Variants in LRRC3C observed in about 807,000 individuals in gnomAD.
LRRC3C encodes the protein leucine rich repeat containing 3C.
A neutral mutation model predicts 14.8 loss-of-function variants in LRRC3C; 11 were observed. The observed-to-expected ratio is 0.74, with a 90% CI of 0.47 to 1.23. LRRC3C has a LOEUF of 1.23. LRRC3C is among the 50% of genes most tolerant of loss of function. The probability of loss-of-function intolerance (pLI) is 0.00; values close to 1 mark genes in which losing one functional copy is unlikely to be tolerated. For synonymous variants in LRRC3C, 149 were observed against 161.5 expected, an observed-to-expected ratio of 0.92 and a Z score of 0.59; for missense variants, 354 against 361.8, an observed-to-expected ratio of 0.98 and a Z score of 0.18.
At chr17:39,936,351 G>A (rs1031789671) in intron 2 of LRRC3C, among the ~76,000 whole-genome samples, 5 of 152,190 alleles carry the variant, frequency 3.3e-5, no homozygotes, top group East Asian at 1.9e-4. Context: ...AAGACAGAGC[G>A]TGAGACTCCC....
At chr17:39,936,250 G>C (rs549726817) in intron 2 of LRRC3C, among the ~76,000 whole-genome samples, 1 of 152,170 alleles carries the variant, frequency 6.6e-6, no homozygotes, top group Admixed American at 6.5e-5. Context: ...AGACTGTGAG[G>C]GTCCAGAAAA....
chr17:39,936,923 A>G (rs1297779433), intron 2 of LRRC3C, among the ~76,000 whole-genome samples: 5 of 151,378 alleles, frequency 3.3e-5, no homozygotes, highest in African/African-American at 1.2e-4. Context: ...GGAGTTCAAG[A>G]CTAGCCTGGA....
intron 2 of LRRC3C, among the ~76,000 whole-genome samples, chr17:39,940,125 G>A (rs1019093031): frequency 6.6e-6 from 1 of 152,228 alleles, no homozygotes; most frequent in Non-Finnish European, 1.5e-5. Flanking sequence ...CTGCCTAAGT[G>A]TAGAAAGTTA....
intron 2 of LRRC3C, among the ~76,000 whole-genome samples, chr17:39,937,488 A>C (rs1978831073): frequency 6.6e-6 from 1 of 151,510 alleles, no homozygotes; most frequent in Non-Finnish European, 1.5e-5. Context: ...TTTTTAATCC[A>C]TAAGCCACGG....
At chr17:39,941,257 A>G (rs1978930312) in intron 2 of LRRC3C, among the ~76,000 whole-genome samples, 186 bp from the exon 3 acceptor site, 1 of 151,210 alleles carries the variant, frequency 6.6e-6, no homozygotes, top group South Asian at 2.1e-4. Flanking sequence ...AGACTAAGGC[A>G]GGAGAGTCGT....
At position 39,944,678 on chromosome 17, in the gene LRRC3C, G is replaced by T; in HGVS notation, c.772G>T (p.Ala258Ser). 2 of 1,535,984 alleles carry T rather than the reference G, an allele frequency of 1.3e-6. No individual in the cohort carries two copies. The highest frequency in any genetic ancestry group is 1.2e-5 in the South Asian group (1 of 84,046). The change falls in exon 4 of 4, where the codon GCC (alanine) becomes TCC (serine). Residue 258 changes from alanine (A) to serine (S), a missense_variant. Transcript: ENST00000377924. ...TGAGACCAGGCGCTCCCTCAAGCGG[G>T]CCCCAGTGCTGCCCGTGCGTTCCGA... is the stretch of plus-strand genomic sequence containing the variant. ...RDETRRSLKR[A>S]PVLPVRSEDS...
Position 39,944,019 on chromosome 17 carries a change from C to T in LRRC3C, c.113C>T (p.Thr38Ile). 6.5e-7 allele frequency: 1 copy of T among 1,536,116 alleles called. No individual in the cohort carries two copies. Among genetic ancestry groups the T allele is most frequent in the South Asian group, 1.2e-5 (1 of 84,064 alleles). The change falls in exon 4 of 4, where the codon ACA (threonine) becomes ATA (isoleucine). Residue 38 changes from threonine (T) to isoleucine (I), a missense_variant. Transcript: ENST00000377924. The part of the protein sequence containing the change: ...HLLPLLLVIG[T>I]GGTVPSPQVP... ...CTGCCCCTCCTGCTGGTGATAGGCA[C>T]AGGGGGTACTGTGCCCAGCCCCCAG... is the stretch of plus-strand genomic sequence containing the variant.
In LRRC3C at chr17:39,944,136, T is replaced by C. The variant is rs991963763; in HGVS notation, c.230T>C (p.Ile77Thr). The change falls in exon 4 of 4, where the codon ATC becomes ACC. Residue 77 changes from isoleucine to threonine, a missense_variant. Coordinates refer to ENST00000377924, the MANE Select transcript of LRRC3C (RefSeq NM_001195545.2). ...GGCCTCAGTGCTGTGCCCTCCGGCA[T>C]CCCCAATGACACCCGCAAGCTCTAC... ...QAGLSAVPSG[I>T]PNDTRKLYLD... The C allele has an allele frequency of 4.6e-6, 7 of 1,536,042 alleles. No homozygotes were observed. In the African/African-American group the frequency reaches 5.5e-5, roughly 12 times the overall value.
chr17:39,935,968 TC>T, intron 2 of LRRC3C, 74 bp downstream of exon 2: 2 of 866,242 alleles, frequency 2.3e-6, no homozygotes, highest in Non-Finnish European at 2.8e-6. Flanking sequence ...CTTTCAGTTA[TC>T]CCCCCATCCA....
chr17:39,932,248 T>C (rs1292156623), intron 1 of LRRC3C, among the ~76,000 whole-genome samples: 2 of 152,214 alleles, frequency 1.3e-5, no homozygotes, highest in African/African-American at 4.8e-5. Flanking sequence ...CCTCCTCATG[T>C]TGTGGATATT....
rs541576376 is a variant in LRRC3C at position 39,932,923 on chromosome 17, G to A, written c.-174-2879G>A. On this transcript the variant is annotated intron_variant, in intron 1 of 3. Transcript: ENST00000377924. ...AAAAATTAGCCAGGCATGGTGGCGCGCCCCTGTAATCCCAGTTACTAGGAA... is the reference window on the plus strand; with the variant it reads ...AAAAATTAGCCAGGCATGGTGGCGCACCCCTGTAATCCCAGTTACTAGGAA... Among the ~76,000 whole-genome samples, 5 of 151,998 alleles carry A rather than the reference G, an allele frequency of 3.3e-5. No homozygotes were observed. In the South Asian group the frequency reaches 1.0e-3, roughly 32 times the overall value.
In LRRC3C at chr17:39,944,887, TTC is replaced by T. The variant is rs149734401; in HGVS notation, c.*169_*170del. ...TATTCCCCCTAAATACCTGTGCTGG[TTC>T]TCTCTCTCTCTCTCTGTGTCGTCTT... On this transcript the variant is annotated 3_prime_UTR_variant, in exon 4 of 4. Coordinates refer to ENST00000377924, the MANE Select transcript of LRRC3C (RefSeq NM_001195545.2). 16,760 of 550,986 alleles carry T rather than the reference TTC, an allele frequency of 0.03. No individual in the cohort carries two copies. The highest frequency in any genetic ancestry group is 0.052 in the South Asian group (2,008 of 38,514). 34.1% of individuals were successfully genotyped at this position (550,986 alleles called of 1,614,324 possible).
rs565597317 is a variant in LRRC3C, at chr17:39,942,379, T to A, written c.26+830T>A. Among the ~76,000 whole-genome samples, 27 of 152,234 alleles carry A rather than the reference T, an allele frequency of 1.8e-4. No homozygotes were observed. In the East Asian group the frequency reaches 4.4e-3, roughly 25 times the overall value. On this transcript the variant is annotated intron_variant, in intron 3 of 3. Coordinates refer to ENST00000377924, the MANE Select transcript of LRRC3C (RefSeq NM_001195545.2). Reference sequence around the variant, plus strand: ...AGTGGCGTGGCCTGCAAATGATGCCTGGGATAGGGACACCCTGGGGGAACA... The same window carrying A: ...AGTGGCGTGGCCTGCAAATGATGCCAGGGATAGGGACACCCTGGGGGAACA...
chr17:39,934,502 T>C (rs763694504), intron 1 of LRRC3C: 2 of 152,148 alleles, frequency 1.3e-5, no homozygotes, highest in Non-Finnish European at 2.9e-5. Context: ...ACATTATTGT[T>C]TGCTATGTTC....
At chr17:39,934,315 T>A (rs1978738074) in intron 1 of LRRC3C, among the ~76,000 whole-genome samples, 1 of 152,130 alleles carries the variant, frequency 6.6e-6, no homozygotes, top group Non-Finnish European at 1.5e-5. Context: ...CTGAAAATAT[T>A]TCAGATCAAA....
Position 39,944,738 on chromosome 17 carries a change from C to A in LRRC3C, c.*4C>A, listed in dbSNP as rs1979044552. 4 of 1,535,546 alleles carry A rather than the reference C, an allele frequency of 2.6e-6. No homozygotes were observed. The highest frequency in any genetic ancestry group is 3.5e-6 in the Non-Finnish European group (4 of 1,146,594). On this transcript the variant is annotated 3_prime_UTR_variant, in exon 4 of 4. Transcript: ENST00000377924. ...CATCCTCAGCACAGTGGTCTGATGACCCAGGATGCTCCTCCAGCCACACCC... is the reference window on the plus strand; with the variant it reads ...CATCCTCAGCACAGTGGTCTGATGAACCAGGATGCTCCTCCAGCCACACCC...
intron 1 of LRRC3C, 32 bp downstream of exon 1, chr17:39,927,846 C>T (rs774492970): frequency 3.3e-5 from 33 of 985,500 alleles, no homozygotes; most frequent in South Asian, 4.7e-5. Flanking sequence ...TGCTTCTGTG[C>T]CCTTCAAGTG....
intron 1 of LRRC3C, among the ~76,000 whole-genome samples, chr17:39,933,658 G>T (rs905636606): frequency 1.3e-5 from 2 of 152,130 alleles, no homozygotes; most frequent in African/African-American, 2.4e-5. Context: ...GCGTGAACCC[G>T]GGAGGCGGAG....
chr17:39,928,802 C>G (rs1434686611), intron 1 of LRRC3C, among the ~76,000 whole-genome samples: 1 of 152,230 alleles, frequency 6.6e-6, no homozygotes, highest in African/African-American at 2.4e-5. Context: ...CGGACTACAC[C>G]TACCTTTCCT....
Sources: gnomAD v4.1 joint callset for allele counts (sites outside exome capture counted in the v4.1 genomes callset) on GRCh38, gnomAD v4.1.1 for gene constraint, MANE v1.5 for transcripts, NCBI Gene and HGNC (gene_info 2026-07-23, HGNC 2026-07-21) for gene names.